Variants in NKAIN2 observed in about 807,000 individuals in gnomAD.
The protein encoded by NKAIN2 is sodium/potassium-transporting ATPase subunit beta-1-interacting protein 2.
Under a neutral mutation model 32.6 loss-of-function variants are expected in NKAIN2, and 14 were observed. That is an observed-to-expected ratio of 0.43 (90% CI 0.28 to 0.67). The LOEUF is 0.67. Among genes scored for constraint, NKAIN2 ranks in the 30% least tolerant of loss-of-function variants. The pLI is 0.17. For missense variants in NKAIN2, 198 were observed against 258.3 expected, an observed-to-expected ratio of 0.77 and a Z score of 1.60; for synonymous variants, 80 against 87.2, an observed-to-expected ratio of 0.92 and a Z score of 0.46.
chr6:124,084,722 G>A (rs894001884), intron 1 of NKAIN2, among the ~76,000 whole-genome samples: 2 of 151,898 alleles, frequency 1.3e-5, no homozygotes, highest in African/African-American at 4.8e-5. Context: ...CATATGAATT[G>A]GCATGTCTAG....
chr6:124,691,074 T>C (rs1774233709), intron 4 of NKAIN2, among the ~76,000 whole-genome samples: 2 of 152,130 alleles, frequency 1.3e-5, no homozygotes, highest in Non-Finnish European at 2.9e-5. Flanking sequence ...AGTTGTAACT[T>C]TTTATATTTG....
At chr6:124,528,379 A>T (rs530978418) in intron 3 of NKAIN2, among the ~76,000 whole-genome samples, 31 of 152,224 alleles carry the variant, frequency 2.0e-4, no homozygotes, top group Non-Finnish European at 3.8e-4. Flanking sequence ...AGTGGGTCAC[A>T]TACTGTAGTG....
intron 1 of NKAIN2, among the ~76,000 whole-genome samples, chr6:124,154,958 A>G (rs1473016774): frequency 1.3e-5 from 2 of 152,094 alleles, no homozygotes; most frequent in African/African-American, 2.4e-5. Flanking sequence ...TAAATTATCA[A>G]TGTACAATAC....
At chr6:124,100,651 T>A (rs1485374480) in intron 1 of NKAIN2, among the ~76,000 whole-genome samples, 1 of 152,194 alleles carries the variant, frequency 6.6e-6, no homozygotes. Flanking sequence ...AAAACAAACA[T>A]CTCTTGCTGC....
chr6:124,702,306 T>C (rs1331579396), intron 4 of NKAIN2, among the ~76,000 whole-genome samples: 2 of 152,056 alleles, frequency 1.3e-5, no homozygotes, highest in Admixed American at 6.6e-5. Context: ...TATGAAACCT[T>C]GTAAATCATA....
chr6:123,838,375 G>T (rs1025951220), intron 1 of NKAIN2, among the ~76,000 whole-genome samples: 13 of 151,992 alleles, frequency 8.6e-5, no homozygotes, highest in African/African-American at 3.1e-4. Flanking sequence ...ATAAATTCTG[G>T]AGAATGATTT....
chr6:124,290,055 C>CAAA (rs10681237), intron 2 of NKAIN2, among the ~76,000 whole-genome samples: 4,423 of 149,046 alleles, frequency 0.03, 155 homozygotes, highest in African/African-American at 0.082. Flanking sequence ...AGGGAGAAAA[C>CAAA]AAAAAAAAAC....
chr6:124,194,858 T>A (rs1358636151), intron 1 of NKAIN2, among the ~76,000 whole-genome samples: 1 of 152,130 alleles, frequency 6.6e-6, no homozygotes, highest in African/African-American at 2.4e-5. Flanking sequence ...CACTAAAGGA[T>A]AAAAGGCAAG....
intron 1 of NKAIN2, among the ~76,000 whole-genome samples, chr6:123,905,715 A>G (rs1324845207): frequency 3.3e-5 from 5 of 152,128 alleles, no homozygotes; most frequent in African/African-American, 1.2e-4. Context: ...CTCAGATAAA[A>G]AAAAAGAGAA....
intron 3 of NKAIN2, among the ~76,000 whole-genome samples, chr6:124,563,055 T>C (rs1232240782): frequency 6.6e-6 from 1 of 151,926 alleles, no homozygotes; most frequent in Non-Finnish European, 1.5e-5. Flanking sequence ...AGACGCTCTC[T>C]ACCATGCCCG....
Position 124,028,008 on chromosome 6 carries a change from T to G in NKAIN2, c.54+223754T>G, listed in dbSNP as rs546692114. On this transcript the variant is annotated intron_variant, in intron 1 of 6. Coordinates refer to ENST00000368417, the MANE Select transcript of NKAIN2 (RefSeq NM_001040214.3). Reference sequence around the variant, plus strand: ...ATCCAAACCTTCTTAACTCTATCTTTGGGTCTAACACTATAATGATACTGG... The same window carrying G: ...ATCCAAACCTTCTTAACTCTATCTTGGGGTCTAACACTATAATGATACTGG... Among the ~76,000 whole-genome samples the G allele has an allele frequency of 7.9e-5, 12 of 152,284 alleles. No homozygotes were observed. In the East Asian group the frequency reaches 2.3e-3, roughly 29 times the overall value.
chr6:124,365,811 A>G (rs958560359), intron 3 of NKAIN2, among the ~76,000 whole-genome samples: 39 of 152,220 alleles, frequency 2.6e-4, no homozygotes, highest in African/African-American at 9.4e-4. Context: ...TTCAGCAAGT[A>G]TTGTCTGACA....
chr6:124,034,367 T>C (rs1470509010), intron 1 of NKAIN2, among the ~76,000 whole-genome samples: 2 of 152,038 alleles, frequency 1.3e-5, no homozygotes, highest in Admixed American at 1.3e-4. Context: ...TGAGAACATG[T>C]GGTATTTGAT....
At chr6:124,454,379 G>A (rs887134528) in intron 3 of NKAIN2, among the ~76,000 whole-genome samples, 14 of 152,044 alleles carry the variant, frequency 9.2e-5, no homozygotes, top group Non-Finnish European at 1.8e-4. Context: ...GGCATATACA[G>A]TGTTTTATGC....
intron 4 of NKAIN2, among the ~76,000 whole-genome samples, chr6:124,712,755 A>C (rs1562339711): frequency 6.6e-6 from 1 of 151,636 alleles, no homozygotes; most frequent in Non-Finnish European, 1.5e-5. Flanking sequence ...TGCAGAAATC[A>C]CCTGTCCTCT....
intron 3 of NKAIN2, among the ~76,000 whole-genome samples, chr6:124,633,707 A>G (rs1783660355): frequency 6.6e-6 from 1 of 152,210 alleles, no homozygotes; most frequent in East Asian, 1.9e-4. Context: ...ATCAGGTTTC[A>G]ATTCAATTTT....
intron 2 of NKAIN2, among the ~76,000 whole-genome samples, chr6:124,348,607 C>T (rs985675348): frequency 1.5e-4 from 23 of 152,314 alleles, no homozygotes; most frequent in Middle Eastern, 6.8e-3. Context: ...TAGCAATCAG[C>T]GAGACTGAGC....
intron 3 of NKAIN2, among the ~76,000 whole-genome samples, chr6:124,448,289 G>T (rs769882919): frequency 7.2e-5 from 11 of 152,052 alleles, no homozygotes; most frequent in Non-Finnish European, 1.5e-4. Context: ...ATCGTGGCAT[G>T]ACCCTCAGCC....
chr6:123,835,811 C>T (rs1232324548), intron 1 of NKAIN2, among the ~76,000 whole-genome samples: 3 of 152,158 alleles, frequency 2.0e-5, no homozygotes, highest in African/African-American at 4.8e-5. Context: ...CTTCTGTCCA[C>T]ACTACTTAGT....
Sources: allele counts gnomAD v4.1 joint callset (sites outside exome capture counted in the v4.1 genomes callset), GRCh38; gene constraint gnomAD v4.1.1; transcripts MANE v1.5; gene names NCBI Gene and HGNC (gene_info 2026-07-23, HGNC 2026-07-21).